SEMA3A: variants seen among roughly 807,000 people sequenced by gnomAD.
The protein encoded by SEMA3A is semaphorin 3A, also known as semaphorin-3A.
SEMA3A carries 29 observed loss-of-function variants against 97.9 expected under a neutral mutation model. The observed-to-expected ratio is 0.30, with a 90% CI of 0.22 to 0.40. SEMA3A has a LOEUF of 0.40. SEMA3A is among the 10% of genes least tolerant of loss of function. The pLI, the probability that SEMA3A is intolerant of heterozygous loss-of-function variation, is 1.00. For synonymous variants in SEMA3A, 321 were observed against 323.7 expected (o/e 0.99, Z 0.09); for missense variants, 763 against 951.3 (o/e 0.80, Z 2.60).
chr7:84,203,699 T>C (rs1175043037), intron 3 of SEMA3A, among the ~76,000 whole-genome samples: 1 of 151,056 alleles, frequency 6.6e-6, no homozygotes, highest in Non-Finnish European at 1.5e-5. Context: ...ACCTAACTAA[T>C]TTTTTAAATT....
At chr7:84,021,941 A>G (rs535584865) in intron 6 of SEMA3A, among the ~76,000 whole-genome samples, 3 of 152,136 alleles carry the variant, frequency 2.0e-5, no homozygotes, top group Non-Finnish European at 4.4e-5. Flanking sequence ...TTTCTGCAAG[A>G]TATTATACAA....
At chr7:83,965,865 G>A (rs1483756641) in intron 15 of SEMA3A, among the ~76,000 whole-genome samples, 1 of 149,092 alleles carries the variant, frequency 6.7e-6, no homozygotes, top group African/African-American at 2.5e-5. Flanking sequence ...TATTTTAATA[G>A]AGGCAGGGTT....
At chr7:84,270,654 T>C (rs1005792691) in intron 3 of SEMA3A, among the ~76,000 whole-genome samples, 2 of 148,296 alleles carry the variant, frequency 1.3e-5, no homozygotes, top group Non-Finnish European at 3.0e-5. Context: ...GCATCTATAT[T>C]CTATTCATAT....
intron 1 of SEMA3A, among the ~76,000 whole-genome samples, chr7:84,393,667 T>C (rs1185041908): frequency 6.6e-6 from 1 of 152,114 alleles, no homozygotes; most frequent in East Asian, 1.9e-4. Context: ...CTCTAAAACA[T>C]GAGTTGTCAT....
chr7:83,970,603 A>G (rs1232478829), intron 15 of SEMA3A, among the ~76,000 whole-genome samples: 2 of 152,202 alleles, frequency 1.3e-5, no homozygotes, highest in African/African-American at 2.4e-5. Context: ...TTTGTTATCA[A>G]TTTTGATGTT....
chr7:84,265,445 AAATAT>A (rs1326168554), intron 3 of SEMA3A, among the ~76,000 whole-genome samples: 6 of 147,708 alleles, frequency 4.1e-5, no homozygotes, highest in Admixed American at 3.4e-4. Context: ...TATATATTTT[AAATAT>A]AATATATTAT....
intron 1 of SEMA3A, among the ~76,000 whole-genome samples, chr7:84,172,766 T>C (rs951502157): frequency 6.6e-6 from 1 of 152,174 alleles, no homozygotes; most frequent in Non-Finnish European, 1.5e-5. Context: ...CTTCTTAGCT[T>C]GCATGCTGTC....
intron 1 of SEMA3A, among the ~76,000 whole-genome samples, chr7:84,175,926 T>C (rs1797550538): frequency 6.6e-6 from 1 of 152,176 alleles, no homozygotes; most frequent in Admixed American, 6.5e-5. Context: ...TATAGCACTT[T>C]TTATTTATGG....
intron 1 of SEMA3A, among the ~76,000 whole-genome samples, chr7:84,166,972 T>G (rs1416180376): frequency 6.6e-6 from 1 of 152,090 alleles, no homozygotes; most frequent in Non-Finnish European, 1.5e-5. Flanking sequence ...TTTGTGCCTA[T>G]TTTGCTAGAA....
rs562213274 is a variant in SEMA3A, at chr7:84,005,719, G to A, written c.1141-161C>T. ...TCCTAGCACTTTGAGAGGCCGATGC[G>A]GGTGGATCACTTGAGGCCAGGAGTT... On this transcript the variant is annotated intron_variant, in intron 10 of 16. Transcript: ENST00000265362. Among the ~76,000 whole-genome samples the A allele has an allele frequency of 7.9e-5, 12 of 152,170 alleles. No individual in the cohort carries two copies. In the East Asian group the frequency reaches 1.2e-3, roughly 15 times the overall value.
chr7:84,021,450 CTA>C (rs1206138622), intron 6 of SEMA3A, among the ~76,000 whole-genome samples: 1 of 152,188 alleles, frequency 6.6e-6, no homozygotes, highest in Non-Finnish European at 1.5e-5. Flanking sequence ...CCCACTGCAA[CTA>C]TCCGCATGTA....
chr7:84,128,528 C>A (rs569684998), intron 3 of SEMA3A, among the ~76,000 whole-genome samples: 4 of 151,928 alleles, frequency 2.6e-5, no homozygotes, highest in Non-Finnish European at 4.4e-5. Flanking sequence ...TATAAATAAC[C>A]AAAGAGACCA....
At chr7:84,279,754 A>G (rs987193147) in intron 3 of SEMA3A, among the ~76,000 whole-genome samples, 1 of 152,148 alleles carries the variant, frequency 6.6e-6, no homozygotes, top group East Asian at 1.9e-4. Flanking sequence ...ATATGTGAAA[A>G]CTTCTTGAAG....
intron 1 of SEMA3A, among the ~76,000 whole-genome samples, chr7:84,449,759 G>A (rs1805511909): frequency 6.6e-6 from 1 of 151,884 alleles, no homozygotes; most frequent in Non-Finnish European, 1.5e-5. Flanking sequence ...ATGTCCTCTG[G>A]CAATCGTCAT....
At chr7:84,399,988 A>G (rs1803854302) in intron 1 of SEMA3A, among the ~76,000 whole-genome samples, 1 of 152,156 alleles carries the variant, frequency 6.6e-6, no homozygotes, top group African/African-American at 2.4e-5. Context: ...TTCCCTGGGA[A>G]CCTAGGGAAA....
chr7:84,444,182 G>C (rs1805347688), intron 1 of SEMA3A, among the ~76,000 whole-genome samples: 1 of 151,968 alleles, frequency 6.6e-6, no homozygotes, highest in African/African-American at 2.4e-5. Flanking sequence ...CACCACACCC[G>C]GCCTGATTGT....
At chr7:84,295,706 A>C (rs1800852886) in intron 3 of SEMA3A, among the ~76,000 whole-genome samples, 1 of 152,020 alleles carries the variant, frequency 6.6e-6, no homozygotes, top group Non-Finnish European at 1.5e-5. Context: ...ATGCCCTCTA[A>C]TATTCAAGCC....
At chr7:84,026,680 T>C (rs1791558993) in intron 6 of SEMA3A, among the ~76,000 whole-genome samples, 1 of 152,164 alleles carries the variant, frequency 6.6e-6, no homozygotes, top group South Asian at 2.1e-4. Flanking sequence ...TAAAAAGGAA[T>C]GAGATCATGT....
At chr7:84,089,276 A>G (rs1407424447) in intron 4 of SEMA3A, among the ~76,000 whole-genome samples, 1 of 152,210 alleles carries the variant, frequency 6.6e-6, no homozygotes, top group Non-Finnish European at 1.5e-5. Context: ...GTATACGCAC[A>G]TATAATGCAA....
Sources: gnomAD v4.1 joint callset for allele counts (sites outside exome capture counted in the v4.1 genomes callset) on GRCh38, gnomAD v4.1.1 for gene constraint, MANE v1.5 for transcripts, NCBI Gene and HGNC (gene_info 2026-07-23, HGNC 2026-07-21) for gene names.